The following EIF2AK2 variants were observed in gnomAD, a reference collection of about 807,000 sequenced individuals.
The protein encoded by EIF2AK2 is interferon-induced, double-stranded RNA-activated protein kinase.
EIF2AK2 carries 40 observed loss-of-function variants against 70.5 expected under a neutral mutation model. The observed-to-expected ratio is 0.57, with a 90% CI of 0.44 to 0.74. The LOEUF (loss-of-function observed/expected upper bound fraction) is 0.74. Among genes scored for constraint, EIF2AK2 ranks in the 30% least tolerant of loss-of-function variants. EIF2AK2 has a pLI of 0.00. For missense variants in EIF2AK2, 555 were observed against 644.3 expected (o/e 0.86, Z 1.50); for synonymous variants, 198 against 220.9 (o/e 0.90, Z 0.92).
intron 11 of EIF2AK2, among the ~76,000 whole-genome samples, chr2:37,125,772 C>T (rs1459048371): frequency 6.6e-6 from 1 of 152,200 alleles, no homozygotes; most frequent in Non-Finnish European, 1.5e-5. Flanking sequence ...TTAGAGACAA[C>T]AATAAATTGC....
chr2:37,147,887 T>C (rs1675611236), intron 2 of EIF2AK2, 65 bp from the exon 3 acceptor site: 2 of 1,186,728 alleles, frequency 1.7e-6, no homozygotes, highest in Admixed American at 3.6e-5. Flanking sequence ...AGTTTCCCAA[T>C]GCAGTTTAGG....
intron 1 of EIF2AK2, among the ~76,000 whole-genome samples, chr2:37,150,644 A>G (rs141289366): frequency 5.4e-4 from 83 of 152,330 alleles, no homozygotes; most frequent in Middle Eastern, 6.8e-3. Context: ...TTTACACAGA[A>G]GTGACTAGTT....
intron 14 of EIF2AK2, 55 bp from the exon 15 acceptor site, chr2:37,109,350 C>A: frequency 6.7e-7 from 1 of 1,486,112 alleles, no homozygotes; most frequent in South Asian, 1.2e-5. Context: ...AAATATCCAG[C>A]CTTCTAAAGC....
At chr2:37,131,089 A>G (rs1013643503) in intron 10 of EIF2AK2, among the ~76,000 whole-genome samples, 3 of 152,230 alleles carry the variant, frequency 2.0e-5, no homozygotes, top group African/African-American at 7.2e-5. Flanking sequence ...GATTATAGAT[A>G]GCAAATTTTG....
intron 9 of EIF2AK2, among the ~76,000 whole-genome samples, chr2:37,136,433 C>T (rs1675128569): frequency 6.6e-6 from 1 of 152,208 alleles, no homozygotes; most frequent in Non-Finnish European, 1.5e-5. Flanking sequence ...GCTGAGGGCA[C>T]CTCATGTGCA....
rs1266670609 is a variant in EIF2AK2, at chr2:37,099,714, T to C, written c.*7559A>G. ...CATAAGATTTGTACACAAAAGTTCA[T>C]AGTAGCATTATTCATGGTAGCCAAA... On this transcript the variant is annotated 3_prime_UTR_variant, in exon 17 of 17. Transcript: ENST00000233057. The C allele has an allele frequency of 1.3e-5, 2 of 152,230 alleles. No homozygotes were observed. Among genetic ancestry groups the C allele is most frequent in the Non-Finnish European group, 2.9e-5 (2 of 68,054 alleles). 9.4% of individuals were successfully genotyped at this position (152,230 alleles called of 1,614,324 possible). A position where few individuals can be genotyped will look rare whatever the true frequency, so the allele number is the denominator to read the frequency against.
At chr2:37,156,317 C>T (rs1573049436) in intron 1 of EIF2AK2, among the ~76,000 whole-genome samples, 2 of 152,176 alleles carry the variant, frequency 1.3e-5, no homozygotes, top group East Asian at 3.9e-4. Flanking sequence ...GACAGGAAAG[C>T]TACGGGGAAG....
In EIF2AK2 at chr2:37,122,682, G is replaced by A. The variant is rs1464019948; in HGVS notation, c.909-18C>T. On this transcript the variant is annotated intron_variant, in intron 11 of 16. Transcript: ENST00000233057. ...CCGCCTTCCTAGTTAAAAGGAACAG[G>A]GAACATGGCAGTGTCAGTGTACATC... 3 of 1,613,946 alleles carry A rather than the reference G, an allele frequency of 1.9e-6. No individual in the cohort carries two copies. Among genetic ancestry groups the A allele is most frequent in the Middle Eastern group, 3.3e-4 (2 of 6,060 alleles).
At chr2:37,130,779 A>G (rs1489187708) in intron 10 of EIF2AK2, among the ~76,000 whole-genome samples, 1 of 152,136 alleles carries the variant, frequency 6.6e-6, no homozygotes. Flanking sequence ...ACCTTTCCCA[A>G]CTACCTCTAC....
chr2:37,149,308 G>C (rs1675662848), intron 1 of EIF2AK2: 2 of 1,021,640 alleles, frequency 2.0e-6, no homozygotes, highest in Non-Finnish European at 3.0e-6. Flanking sequence ...TGGATAATCT[G>C]TGGTATCAAA....
rs1335228350 is a variant in EIF2AK2, at chr2:37,109,129, G to A, written c.1479+65C>T. 3.5e-6 allele frequency: 5 copies of A among 1,439,306 alleles called. No individual in the cohort carries two copies. In the East Asian group the frequency reaches 1.1e-4, roughly 33 times the overall value. The allele number at this position is 1,439,306 out of a possible 1,614,324, so 89.2% of individuals were successfully genotyped here. On this transcript the variant is annotated intron_variant, in intron 15 of 16. Coordinates refer to ENST00000233057, the MANE Select transcript of EIF2AK2 (RefSeq NM_001135651.3). ...CACGTGAGGGCAAGAACTGTCTGCA[G>A]CAGCACTCTGAAGGTGGTAGTCAGT...
At chr2:37,115,653 C>T (rs1383026467) in intron 13 of EIF2AK2, among the ~76,000 whole-genome samples, 1 of 152,084 alleles carries the variant, frequency 6.6e-6, no homozygotes, top group African/African-American at 2.4e-5. Context: ...CTGAAGCAGA[C>T]ATCCTTAAGA....
At chr2:37,133,009 C>T (rs1675001623) in intron 10 of EIF2AK2, among the ~76,000 whole-genome samples, 1 of 152,184 alleles carries the variant, frequency 6.6e-6, no homozygotes, top group East Asian at 1.9e-4. Flanking sequence ...TCTTTTCAAT[C>T]TGATAATGGT....
chr2:37,122,398 T>A, intron 12 of EIF2AK2, 108 bp downstream of exon 12: 1 of 1,190,854 alleles, frequency 8.4e-7, no homozygotes, highest in Non-Finnish European at 1.2e-6. Context: ...TCAGAGGGAA[T>A]TGTGATAATT....
At chr2:37,107,671 C>T in intron 15 of EIF2AK2, 144 bp from the exon 16 acceptor site, 1 of 808,752 alleles carries the variant, frequency 1.2e-6, no homozygotes, top group Non-Finnish European at 1.9e-6. Flanking sequence ...AGCAGGATTC[C>T]CTCTCTCCTA....
At chr2:37,152,666 T>C (rs1675787538) in intron 1 of EIF2AK2, among the ~76,000 whole-genome samples, 2 of 152,184 alleles carry the variant, frequency 1.3e-5, no homozygotes, top group African/African-American at 4.8e-5. Context: ...CTCTATACTT[T>C]CTCCTTAAGG....
intron 1 of EIF2AK2, among the ~76,000 whole-genome samples, chr2:37,151,656 T>A (rs1675744386): frequency 6.6e-6 from 1 of 152,194 alleles, no homozygotes; most frequent in Non-Finnish European, 1.5e-5. Context: ...AGCAGCACTG[T>A]TAACAATAGC....
At position 37,141,504 on chromosome 2, in the gene EIF2AK2, T is replaced by C. The variant is rs750081959; in HGVS notation, c.389+49A>G. 5 of 1,585,518 alleles carry C rather than the reference T, an allele frequency of 3.2e-6. No homozygotes were observed. In the South Asian group the frequency reaches 3.6e-5, roughly 11 times the overall value. On this transcript the variant is annotated intron_variant, in intron 5 of 16. Transcript: ENST00000233057. ...ATTAGACACGAAAATAAACCAACTT[T>C]ATTGCTTAAATACAATGAAACAGAA...
At chr2:37,122,404 T>C (rs1674587188) in intron 12 of EIF2AK2, 102 bp downstream of exon 12, 2 of 1,232,976 alleles carry the variant, frequency 1.6e-6, no homozygotes, top group Non-Finnish European at 1.1e-6. Flanking sequence ...GGAATTGTGA[T>C]AATTAATCGT....
Sources: allele counts gnomAD v4.1 joint callset (sites outside exome capture counted in the v4.1 genomes callset), GRCh38; gene constraint gnomAD v4.1.1; transcripts MANE v1.5; gene names NCBI Gene and HGNC (gene_info 2026-07-23, HGNC 2026-07-21).